RUNX2: variants seen among roughly 807,000 people sequenced by gnomAD.
The protein encoded by RUNX2 is runt-related transcription factor 2.
A neutral mutation model predicts 51.7 loss-of-function variants in RUNX2; 10 were observed. The ratio of observed to expected loss-of-function variants is 0.19; its 90% confidence interval spans 0.12 to 0.33. RUNX2 has a LOEUF of 0.33. RUNX2 is among the 10% of genes least tolerant of loss of function. RUNX2 has a pLI of 1.00. For synonymous variants in RUNX2, 276 were observed against 273.6 expected, an observed-to-expected ratio of 1.01 and a Z score of -0.09; for missense variants, 562 against 691.3, an observed-to-expected ratio of 0.81 and a Z score of 2.10.
chr6:45,393,059 GGTTTCTATCT>G (rs1797504719), intron 2 of RUNX2, among the ~76,000 whole-genome samples: 1 of 151,588 alleles, frequency 6.6e-6, no homozygotes, highest in Admixed American at 6.6e-5. Context: ...TGTTTCCTAG[GGTTTCTATCT>G]GTTTACATTA....
chr6:45,467,359 G>A (rs1171167440), intron 5 of RUNX2, among the ~76,000 whole-genome samples: 2 of 152,144 alleles, frequency 1.3e-5, no homozygotes, highest in South Asian at 2.1e-4. Context: ...TCAGCTGACT[G>A]CAACCTCTGC....
chr6:45,382,533 C>A (rs539349706), intron 2 of RUNX2, among the ~76,000 whole-genome samples: 2 of 152,342 alleles, frequency 1.3e-5, no homozygotes, highest in African/African-American at 4.8e-5. Flanking sequence ...GAAGAAAGAG[C>A]ATTCCAGACT....
intron 5 of RUNX2, among the ~76,000 whole-genome samples, chr6:45,477,437 A>C (rs1226478096): frequency 6.6e-6 from 1 of 152,162 alleles, no homozygotes. Flanking sequence ...CTTCAAACTC[A>C]TGGCCAACAC....
Position 45,512,358 on chromosome 6 carries a change from A to G in RUNX2, c.972A>G (p.Thr324=). 6 of 1,614,040 alleles carry G rather than the reference A, an allele frequency of 3.7e-6. 1 individual carries two copies. In the South Asian group the frequency reaches 4.4e-5, roughly 12 times the overall value. The change falls in exon 7 of 9, where the codon ACA becomes ACG. Residue 324 remains threonine (T), a synonymous_variant. Transcript: ENST00000647337. ...ACTCTACCACCCCGCTGTCTTCCAC[A>G]CGGGGCACTGGGCTTCCTGCCATCA... ...SIHSTTPLSS[T]RGTGLPAITD...
At chr6:45,361,435 T>C (rs1794242119) in intron 2 of RUNX2, 1 of 152,174 alleles carries the variant, frequency 6.6e-6, no homozygotes, top group South Asian at 2.1e-4. Context: ...GCAAGAAATA[T>C]ATAAATGGGT....
intron 5 of RUNX2, among the ~76,000 whole-genome samples, chr6:45,450,751 A>C (rs895909973): frequency 2.6e-5 from 4 of 152,196 alleles, no homozygotes; most frequent in African/African-American, 9.7e-5. Context: ...CATTGTGTGC[A>C]AACCTTGAAC....
chr6:45,485,693 G>GTATATATATATATATATATA (rs1257977356), intron 5 of RUNX2, among the ~76,000 whole-genome samples: 121 of 101,760 alleles, frequency 1.2e-3, no homozygotes, highest in African/African-American at 3.8e-3. Flanking sequence ...GTGTGTGTGT[G>GTATATATATATATATATATA]TGTGTATATA....
At chr6:45,501,100 C>G (rs1582178912) in intron 6 of RUNX2, among the ~76,000 whole-genome samples, 2 of 152,250 alleles carry the variant, frequency 1.3e-5, no homozygotes, top group South Asian at 4.1e-4. Flanking sequence ...AGCTATTCCT[C>G]ATGTGACCGA....
At chr6:45,489,601 T>C (rs1266185489) in intron 5 of RUNX2, among the ~76,000 whole-genome samples, 2 of 152,150 alleles carry the variant, frequency 1.3e-5, no homozygotes, top group Non-Finnish European at 1.5e-5. Context: ...TCCAAAAATA[T>C]GGCCTATTAA....
In RUNX2 at chr6:45,422,681, A is replaced by ACAGCAGCAGCAACAG. The variant is rs781355841; in HGVS notation, c.174_188dup (p.Gln67_Gln71dup). ...ACGTGAGCCCGGTGGTGGCTGCGCA[A>ACAGCAGCAGCAACAG]CAGCAGCAGCAACAGCAGCAGCAGC... On this transcript the variant is annotated inframe_insertion, in exon 3 of 9. Coordinates refer to ENST00000647337, the MANE Select transcript of RUNX2 (RefSeq NM_001024630.4). 86 of 1,602,436 alleles carry ACAGCAGCAGCAACAG rather than the reference A, an allele frequency of 5.4e-5. No homozygotes were observed. Among genetic ancestry groups the ACAGCAGCAGCAACAG allele is most frequent in the Admixed American group, 1.7e-4 (10 of 58,656 alleles).
chr6:45,425,427 A>G (rs1038094746), intron 3 of RUNX2, among the ~76,000 whole-genome samples: 5 of 152,238 alleles, frequency 3.3e-5, no homozygotes, highest in African/African-American at 1.2e-4. Context: ...CACACAGAGT[A>G]CATTTTTGTA....
chr6:45,545,295 A>G lies in RUNX2; in HGVS notation c.1087+13A>G. On this transcript the variant is annotated intron_variant, in intron 8 of 8. Coordinates refer to ENST00000647337, the MANE Select transcript of RUNX2 (RefSeq NM_001024630.4). ...AAGAGCCAGGCAGGTGAGACTTTTA[A>G]CAATTGCTGGGCTGGGCAGGGCTGG... The G allele has an allele frequency of 1.3e-6, 2 of 1,549,590 alleles. No homozygotes were observed. The highest frequency in any genetic ancestry group is 1.7e-6 in the Non-Finnish European group (2 of 1,146,438).
intron 2 of RUNX2, among the ~76,000 whole-genome samples, chr6:45,385,995 G>GT (rs537000251): frequency 1.3e-5 from 2 of 151,366 alleles, no homozygotes; most frequent in Non-Finnish European, 2.9e-5. Context: ...ATATTAAGTA[G>GT]TTTTTTCTTT....
intron 6 of RUNX2, among the ~76,000 whole-genome samples, chr6:45,511,078 C>T (rs73737446): frequency 0.064 from 9,763 of 152,112 alleles, 447 homozygotes; most frequent in African/African-American, 0.12. Context: ...AGCATAAAAA[C>T]GTGTTAAGAG....
chr6:45,528,906 G>A (rs886489380), intron 7 of RUNX2, among the ~76,000 whole-genome samples: 6 of 152,206 alleles, frequency 3.9e-5, no homozygotes, highest in Admixed American at 3.9e-4. Context: ...ATCTTAAATA[G>A]CAAGGAACTT....
chr6:45,410,977 A>G (rs903108811), intron 2 of RUNX2, among the ~76,000 whole-genome samples: 1 of 152,096 alleles, frequency 6.6e-6, no homozygotes, highest in Non-Finnish European at 1.5e-5. Flanking sequence ...AGTCTACCCA[A>G]TCTTTTAGGA....
chr6:45,540,193 C>G (rs1329662956), intron 7 of RUNX2, among the ~76,000 whole-genome samples: 1 of 152,134 alleles, frequency 6.6e-6, no homozygotes, highest in East Asian at 1.9e-4. Flanking sequence ...ATGCCCATAG[C>G]CTCCTTCCTT....
chr6:45,343,244 TCA>T (rs1162351739), intron 2 of RUNX2, among the ~76,000 whole-genome samples: 1 of 151,960 alleles, frequency 6.6e-6, no homozygotes, highest in African/African-American at 2.4e-5. Flanking sequence ...GTGCAGTGGC[TCA>T]CACCTGTAAT....
chr6:45,534,520 C>T (rs915984890), intron 7 of RUNX2, among the ~76,000 whole-genome samples: 13 of 152,126 alleles, frequency 8.5e-5, no homozygotes, highest in African/African-American at 2.7e-4. Flanking sequence ...TGATGGTTTG[C>T]TGGGACTGAA....
Sources: allele counts gnomAD v4.1 joint callset (sites outside exome capture counted in the v4.1 genomes callset), GRCh38; gene constraint gnomAD v4.1.1; transcripts MANE v1.5; gene names NCBI Gene and HGNC (gene_info 2026-07-23, HGNC 2026-07-21).